Variants in BTG4 observed in about 807,000 individuals in gnomAD.
The protein encoded by BTG4 is protein BTG4.
In BTG4, 10 loss-of-function variants were observed where a neutral mutation model predicts 19.3. That is an observed-to-expected ratio of 0.52 (90% CI 0.32 to 0.88). The LOEUF is 0.88. Ranked by LOEUF, BTG4 falls within the 40% of genes least tolerant of loss-of-function variation. BTG4 has a pLI of 0.04. For synonymous variants in BTG4, 91 were observed against 95.7 expected (o/e 0.95, Z 0.29); for missense variants, 238 against 281.9 (o/e 0.84, Z 1.11).
chr11:111,502,642 T>A (rs1176901987), intron 1 of BTG4, among the ~76,000 whole-genome samples: 2 of 152,108 alleles, frequency 1.3e-5, no homozygotes, highest in African/African-American at 4.8e-5. Flanking sequence ...AAACACAAAA[T>A]TTTTTTTCTT....
At chr11:111,407,068 A>G in the BTG4 span, among the ~76,000 whole-genome samples, 1 of 151,778 alleles carries the variant, frequency 6.6e-6, no homozygotes, top group African/African-American at 2.4e-5. Flanking sequence ...AGCTCATAAA[A>G]CAGTGTCTGG....
At chr11:111,395,403 C>A in the BTG4 span, among the ~76,000 whole-genome samples, 3 of 152,212 alleles carry the variant, frequency 2.0e-5, no homozygotes, top group African/African-American at 7.2e-5. Flanking sequence ...CCCGGCAACC[C>A]CAGCAGAGCC....
At chr11:111,420,177 G>T in the BTG4 span, among the ~76,000 whole-genome samples, 28 of 152,198 alleles carry the variant, frequency 1.8e-4, 1 homozygote, top group Non-Finnish European at 3.4e-4. Flanking sequence ...AAGTCTCAAG[G>T]TGCAAAGTCC....
At chr11:111,429,878 T>C in the BTG4 span, among the ~76,000 whole-genome samples, 12 of 152,248 alleles carry the variant, frequency 7.9e-5, no homozygotes, top group Non-Finnish European at 1.5e-4. Context: ...AGTCCTGCTG[T>C]ACATCCCACC....
the BTG4 span, among the ~76,000 whole-genome samples, chr11:111,431,780 T>C: frequency 1.3e-5 from 2 of 152,186 alleles, no homozygotes; most frequent in Non-Finnish European, 2.9e-5. Context: ...AGATGACCTC[T>C]ACGTTTTCTT....
At chr11:111,506,436 C>T (rs139587849) in intron 1 of BTG4, among the ~76,000 whole-genome samples, 2 of 152,048 alleles carry the variant, frequency 1.3e-5, no homozygotes, top group African/African-American at 4.8e-5. Context: ...AGAAATGGTA[C>T]ATGTGGAAAT....
At chr11:111,508,397 G>A (rs188315010) in intron 1 of BTG4, among the ~76,000 whole-genome samples, 458 of 150,616 alleles carry the variant, frequency 3.0e-3, no homozygotes, top group Non-Finnish European at 4.6e-3. Flanking sequence ...TCACAGAAAC[G>A]TATGAGCAGG....
chr11:111,482,175 T>C, intron 5 of BTG4, among the ~76,000 whole-genome samples: 1 of 152,022 alleles, frequency 6.6e-6, no homozygotes, highest in East Asian at 1.9e-4. Flanking sequence ...TATTTCTATA[T>C]ATTACCAATG....
the BTG4 span, chr11:111,456,476 CA>C: frequency 2.2e-6 from 1 of 455,534 alleles, no homozygotes; most frequent in Non-Finnish European, 4.4e-6. This position sits in a 1 kb window ranked among gnomAD's most constrained non-coding sequence, Gnocchi z 4.2. Flanking sequence ...CACCGGCCCC[CA>C]GCCCAGGGCT....
intron 5 of BTG4, among the ~76,000 whole-genome samples, chr11:111,467,909 C>G (rs977123306): frequency 6.6e-6 from 1 of 152,146 alleles, no homozygotes; most frequent in African/African-American, 2.4e-5. Flanking sequence ...ATTATCAAAG[C>G]CAGAGGTTCC....
chr11:111,408,456 T>G, the BTG4 span, among the ~76,000 whole-genome samples: 1 of 152,180 alleles, frequency 6.6e-6, no homozygotes, highest in Non-Finnish European at 1.5e-5. Flanking sequence ...CTTATAGCTA[T>G]ATGGCTATTG....
intron 1 of BTG4, among the ~76,000 whole-genome samples, chr11:111,499,356 A>G (rs1386659962): frequency 6.6e-6 from 1 of 152,238 alleles, no homozygotes; most frequent in African/African-American, 2.4e-5. Context: ...GCTGAAGTTT[A>G]TATAAGCCTG....
chr11:111,388,609 C>T, the BTG4 span, among the ~76,000 whole-genome samples: 1 of 152,270 alleles, frequency 6.6e-6, no homozygotes, highest in South Asian at 2.1e-4. Context: ...GCACGCCCCA[C>T]ACCCAGAAAC....
At chr11:111,409,124 C>T in the BTG4 span, among the ~76,000 whole-genome samples, 1 of 152,194 alleles carries the variant, frequency 6.6e-6, no homozygotes. Context: ...ATCAAAGAAG[C>T]TCCCATCTGA....
At chr11:111,437,784 T>C in the BTG4 span, among the ~76,000 whole-genome samples, 6 of 152,214 alleles carry the variant, frequency 3.9e-5, no homozygotes, top group African/African-American at 1.2e-4. Flanking sequence ...TACTTGCTTC[T>C]GCTACTCTGC....
intron 5 of BTG4, among the ~76,000 whole-genome samples, chr11:111,471,976 T>C (rs1864092647): frequency 6.6e-6 from 1 of 152,196 alleles, no homozygotes; most frequent in African/African-American, 2.4e-5. Flanking sequence ...AAAGCATATC[T>C]AGAATCCAAC....
At chr11:111,497,877 C>T in intron 3 of BTG4, 121 bp downstream of exon 3, 1 of 1,094,350 alleles carries the variant, frequency 9.1e-7, no homozygotes, top group Admixed American at 2.6e-5. Context: ...AAATCTTAAC[C>T]AAGAAGTATC....
chr11:111,473,876 T>G (rs1309492680), intron 5 of BTG4, among the ~76,000 whole-genome samples: 2 of 152,200 alleles, frequency 1.3e-5, no homozygotes, highest in Non-Finnish European at 2.9e-5. Context: ...ATTCAGGGTT[T>G]CTTCCACTAC....
the BTG4 span, among the ~76,000 whole-genome samples, chr11:111,420,086 A>G: frequency 1.3e-5 from 2 of 152,212 alleles, no homozygotes; most frequent in Non-Finnish European, 2.9e-5. Context: ...AGAGATGCCT[A>G]GGGTCCAGCC....
Sources: allele counts gnomAD v4.1 joint callset (sites outside exome capture counted in the v4.1 genomes callset), GRCh38; gene constraint gnomAD v4.1.1; non-coding constraint Gnocchi (gnomAD v3.1); transcripts MANE v1.5; gene names NCBI Gene and HGNC (gene_info 2026-07-23, HGNC 2026-07-21).